Variants in INPP5A observed in about 807,000 individuals in gnomAD.
INPP5A encodes inositol polyphosphate-5-phosphatase A.
INPP5A carries 14 observed loss-of-function variants against 65.2 expected under a neutral mutation model. That is an observed-to-expected ratio of 0.21 (90% CI 0.14 to 0.34). The LOEUF (loss-of-function observed/expected upper bound fraction) is 0.34, where lower values mean the gene tolerates loss of function less well. Ranked by LOEUF, INPP5A falls within the 10% of genes least tolerant of loss-of-function variation. The pLI, the probability that INPP5A is intolerant of heterozygous loss-of-function variation, is 1.00. For missense variants in INPP5A, 431 were observed against 545.6 expected, an observed-to-expected ratio of 0.79 and a Z score of 2.09; for synonymous variants, 207 against 208.3, an observed-to-expected ratio of 0.99 and a Z score of 0.05.
chr10:132,723,055 T>C (rs1845915444), intron 8 of INPP5A, among the ~76,000 whole-genome samples: 2 of 152,336 alleles, frequency 1.3e-5, no homozygotes, highest in African/African-American at 4.8e-5. Context: ...GCTGCTGTTA[T>C]TAATGGGCTC....
intron 3 of INPP5A, among the ~76,000 whole-genome samples, chr10:132,649,717 G>A (rs1008738263): frequency 7.2e-5 from 11 of 152,186 alleles, no homozygotes; most frequent in Non-Finnish European, 1.3e-4. Context: ...ATGATGGACT[G>A]TCTCTGTGGA....
chr10:132,544,720 C>T lies in INPP5A; in HGVS notation c.75+6549C>T, dbSNP rs1348291226. Among the ~76,000 whole-genome samples the T allele has an allele frequency of 2.6e-5, 4 of 152,024 alleles. No homozygotes were observed. The South Asian group carries it at 6.2e-4, about 24-fold the overall frequency. ...TTTTGGAATAAGCCTGGCAGTTCTCCGTTTGCCAGCTCTGCATGCCCCTCT... is the reference window on the plus strand; with the variant it reads ...TTTTGGAATAAGCCTGGCAGTTCTCTGTTTGCCAGCTCTGCATGCCCCTCT... On this transcript the variant is annotated intron_variant, in intron 1 of 15. Coordinates refer to ENST00000368594, the MANE Select transcript of INPP5A (RefSeq NM_005539.5).
intron 4 of INPP5A, among the ~76,000 whole-genome samples, chr10:132,671,793 G>C (rs1482176829): frequency 6.6e-5 from 10 of 152,204 alleles, no homozygotes; most frequent in Non-Finnish European, 1.3e-4. Context: ...CACAGATAGA[G>C]ATGTTGAGGC....
intron 2 of INPP5A, among the ~76,000 whole-genome samples, chr10:132,633,008 C>G (rs2072294940): frequency 6.6e-6 from 1 of 152,242 alleles, no homozygotes; most frequent in Non-Finnish European, 1.5e-5. Flanking sequence ...GAGCACACCA[C>G]TGCCTGGGGA....
At chr10:132,703,687 C>T (rs1265718865) in intron 6 of INPP5A, among the ~76,000 whole-genome samples, 4 of 112,528 alleles carry the variant, frequency 3.6e-5, no homozygotes, top group Non-Finnish European at 7.2e-5. Flanking sequence ...GCTTCACCCC[C>T]GCAGACACAT....
intron 1 of INPP5A, among the ~76,000 whole-genome samples, chr10:132,600,834 A>C (rs757467300): frequency 1.3e-5 from 2 of 152,234 alleles, no homozygotes; most frequent in Non-Finnish European, 2.9e-5. Flanking sequence ...AACCCATCAG[A>C]TCTCATGAGA....
intron 8 of INPP5A, among the ~76,000 whole-genome samples, chr10:132,724,985 C>T (rs58972483): frequency 0.17 from 25,500 of 149,276 alleles, 1,841 homozygotes; most frequent in Admixed American, 0.23. Context: ...GCCATATTCA[C>T]CACAGACGGG....
intron 4 of INPP5A, among the ~76,000 whole-genome samples, chr10:132,667,691 T>C (rs80082996): frequency 3.9e-5 from 6 of 152,334 alleles, no homozygotes; most frequent in Non-Finnish European, 7.3e-5. Flanking sequence ...TACACTGATA[T>C]AGTATTGATC....
chr10:132,557,843 T>C (rs940131123), intron 1 of INPP5A, among the ~76,000 whole-genome samples: 3 of 152,324 alleles, frequency 2.0e-5, no homozygotes, highest in Middle Eastern at 3.4e-3. Flanking sequence ...CCTGGGTCTC[T>C]GTTCAGAGTG....
chr10:132,656,942 G>A (rs1319013112), intron 4 of INPP5A, among the ~76,000 whole-genome samples: 1 of 152,234 alleles, frequency 6.6e-6, no homozygotes, highest in Non-Finnish European at 1.5e-5. Context: ...CAGCGACAGG[G>A]CTGTGTGGGG....
At chr10:132,721,076 C>G (rs1845866846) in intron 8 of INPP5A, among the ~76,000 whole-genome samples, 1 of 145,458 alleles carries the variant, frequency 6.9e-6, no homozygotes, top group South Asian at 2.2e-4. Context: ...CTTCAGGGTT[C>G]TGTGGTACCT....
chr10:132,634,249 G>GTATCATCTCCCT (rs1234503089), intron 2 of INPP5A, among the ~76,000 whole-genome samples: 1 of 151,948 alleles, frequency 6.6e-6, no homozygotes, highest in African/African-American at 2.4e-5. Context: ...CCGGAGAGGC[G>GTATCATCTCCCT]TGTCATCTCC....
intron 2 of INPP5A, among the ~76,000 whole-genome samples, chr10:132,608,405 T>C (rs1487666303): frequency 6.6e-6 from 1 of 152,218 alleles, no homozygotes; most frequent in South Asian, 2.1e-4. Context: ...GGGCTGGCAC[T>C]GCCAGGCCGA....
intron 8 of INPP5A, among the ~76,000 whole-genome samples, chr10:132,724,295 C>G (rs561723564): frequency 6.6e-6 from 1 of 152,190 alleles, no homozygotes; most frequent in Non-Finnish European, 1.5e-5. Flanking sequence ...ATCAATTGAC[C>G]GTCCGCTTGG....
At chr10:132,699,031 C>T (rs1046201331) in intron 6 of INPP5A, among the ~76,000 whole-genome samples, 2 of 152,254 alleles carry the variant, frequency 1.3e-5, no homozygotes, top group African/African-American at 4.8e-5. Context: ...CTCGGTCCTG[C>T]TTCCGGCACC....
At chr10:132,672,228 T>C (rs1264917480) in intron 4 of INPP5A, among the ~76,000 whole-genome samples, 2 of 152,256 alleles carry the variant, frequency 1.3e-5, no homozygotes, top group African/African-American at 4.8e-5. Flanking sequence ...ATAAGATTTA[T>C]TCACTTCATA....
intron 2 of INPP5A, among the ~76,000 whole-genome samples, chr10:132,625,840 CTGTGTGTGTGTG>C (rs139839964): frequency 6.8e-4 from 100 of 146,688 alleles, no homozygotes; most frequent in African/African-American, 1.9e-3. Context: ...GGCAGGACTT[CTGTGTGTGTGTG>C]TGTGTGTGTG....
chr10:132,725,156 C>T (rs927866888), intron 8 of INPP5A, among the ~76,000 whole-genome samples: 1 of 152,190 alleles, frequency 6.6e-6, no homozygotes, highest in Non-Finnish European at 1.5e-5. Context: ...CAGGTGAAAT[C>T]GGGAGAAAAT....
intron 1 of INPP5A, among the ~76,000 whole-genome samples, chr10:132,554,077 C>T (rs1215612226): frequency 4.0e-5 from 6 of 150,240 alleles, no homozygotes; most frequent in African/African-American, 9.8e-5. Context: ...GACTGGTGAA[C>T]ACCTTCTCAG....
Sources: gnomAD v4.1 joint callset for allele counts (sites outside exome capture counted in the v4.1 genomes callset) on GRCh38, gnomAD v4.1.1 for gene constraint, MANE v1.5 for transcripts, NCBI Gene and HGNC (gene_info 2026-07-23, HGNC 2026-07-21) for gene names.